The following SPATA6L variants were observed in gnomAD, a reference collection of about 807,000 sequenced individuals.
SPATA6L encodes spermatogenesis associated 6 like, also known as spermatogenesis associated 6-like protein.
A neutral mutation model predicts 49.2 loss-of-function variants in SPATA6L; 68 were observed. The ratio of observed to expected loss-of-function variants is 1.38; its 90% CI spans 1.14 to 1.69. SPATA6L has a LOEUF of 1.69. Ranked by LOEUF, SPATA6L falls within the 40% of genes most tolerant of loss-of-function variation. SPATA6L has a pLI of 0.00. For synonymous variants in SPATA6L, 198 were observed against 165.7 expected (o/e 1.19, Z -1.50); for missense variants, 668 against 464.3 (o/e 1.44, Z -4.03).
At chr9:4,622,548 A>G (rs752080635) in intron 6 of SPATA6L, 38 bp from the exon 7 acceptor site, 1 of 1,374,240 alleles carries the variant, frequency 7.3e-7, no homozygotes, top group African/African-American at 1.4e-5. Flanking sequence ...AGAATCCACT[A>G]TAGCTTCTAG....
chr9:4,611,661 G>T (rs1285656441), intron 9 of SPATA6L, among the ~76,000 whole-genome samples: 14 of 114,228 alleles, frequency 1.2e-4, no homozygotes, highest in South Asian at 3.8e-4. Flanking sequence ...GGTGGGGGGA[G>T]GGGGGAGGGA....
At chr9:4,628,077 G>C in intron 5 of SPATA6L, 2 of 321,560 alleles carry the variant, frequency 6.2e-6, no homozygotes, top group South Asian at 4.9e-5. Flanking sequence ...GAGACAGAGA[G>C]TAGAATGATG....
intron 4 of SPATA6L, among the ~76,000 whole-genome samples, chr9:4,631,979 T>C (rs1465763443): frequency 6.6e-6 from 1 of 151,274 alleles, no homozygotes; most frequent in African/African-American, 2.4e-5. Flanking sequence ...ATAATCCATG[T>C]AATGAGCTCA....
chr9:4,636,213 T>C (rs1255200171), intron 3 of SPATA6L, among the ~76,000 whole-genome samples: 1 of 152,178 alleles, frequency 6.6e-6, no homozygotes, highest in East Asian at 1.9e-4. Context: ...TAACCAGACC[T>C]GTTTGATATT....
rs1352020387 is a variant in SPATA6L at position 4,662,461 on chromosome 9, ATGGCGGCGG to A, written c.40-434_40-426del. The A allele has an allele frequency of 3.9e-6, 6 of 1,547,430 alleles. No homozygotes were observed. The highest frequency in any genetic ancestry group is 2.4e-5 in the East Asian group (1 of 41,726). On this transcript the variant is annotated intron_variant, in intron 1 of 11. Coordinates refer to ENST00000682582, the MANE Select transcript of SPATA6L (RefSeq NM_001353486.2). This position sits in a 1 kb window ranked among gnomAD's most constrained non-coding sequence, Gnocchi z 4.9. ...AGCAGCAGCCCCGGCAGCCCAGCCC[ATGGCGGCGG>A]TGGCGGCGGCAGCAGGTTTGAGTTC...
intron 4 of SPATA6L, chr9:4,632,950 A>G (rs1043737855): frequency 1.3e-5 from 2 of 152,260 alleles, no homozygotes; most frequent in Admixed American, 1.3e-4. Flanking sequence ...TTTTCATGAC[A>G]CTTTTATTGT....
At chr9:4,626,327 A>G in intron 5 of SPATA6L, 1 of 1,215,796 alleles carries the variant, frequency 8.2e-7, no homozygotes. Flanking sequence ...TTCAGATTTG[A>G]GTCTAGACCC....
rs1824117074 is a variant in SPATA6L at position 4,604,200 on chromosome 9, G to C, written c.1159C>G (p.His387Asp). Residue 387 changes from histidine (H) to aspartate (D), a missense_variant, in exon 11 of 12, where the codon CAT becomes GAT. His to Asp is a moderately conservative substitution (Grantham distance 81). Transcript: ENST00000682582. ...PSYPLKKYSL[H>D]EQRYF ...GTACCTTAAAAATATCTCTGTTCAT[G>C]CAGTGAGTATTTCTTCAGAGGGTAG... is the stretch of plus-strand genomic sequence containing the variant. 1 of 1,610,722 alleles carries C rather than the reference G, an allele frequency of 6.2e-7. No homozygotes were observed. The highest frequency in any genetic ancestry group is 8.5e-7 in the Non-Finnish European group (1 of 1,177,708).
chr9:4,617,457 T>A (rs996187861), intron 9 of SPATA6L: 2 of 152,490 alleles, frequency 1.3e-5, no homozygotes, highest in African/African-American at 4.8e-5. Flanking sequence ...CTCTCTGGCC[T>A]GCTCTCCAGA....
intron 4 of SPATA6L, among the ~76,000 whole-genome samples, chr9:4,632,068 C>T (rs1049996749): frequency 2.4e-5 from 3 of 126,684 alleles, no homozygotes; most frequent in African/African-American, 6.2e-5. Context: ...GAGATGCAGT[C>T]TCACTCTGTC....
chr9:4,657,021 T>C (rs1054958265), intron 2 of SPATA6L, among the ~76,000 whole-genome samples: 18 of 152,280 alleles, frequency 1.2e-4, no homozygotes, highest in South Asian at 4.1e-4. Flanking sequence ...AAGAAAAACA[T>C]TGTAATATCT....
chr9:4,663,973 T>C (rs1466965590), intron 1 of SPATA6L: 1 of 167,118 alleles, frequency 6.0e-6, no homozygotes, highest in Non-Finnish European at 1.5e-5. Context: ...CACTACTCCC[T>C]TACTGTCTTT....
intron 11 of SPATA6L, 75 bp downstream of exon 11, chr9:4,604,104 G>A (rs1353552414): frequency 1.4e-5 from 13 of 958,694 alleles, no homozygotes; most frequent in South Asian, 3.2e-5. Flanking sequence ...CATATTGATA[G>A]GAGGAAACTG....
chr9:4,642,195 A>T (rs1662946946), intron 3 of SPATA6L, among the ~76,000 whole-genome samples: 2 of 152,222 alleles, frequency 1.3e-5, no homozygotes, highest in Admixed American at 1.3e-4. Context: ...ACTTTTTTAA[A>T]ATCCATGTAA....
chr9:4,658,049 G>C lies in SPATA6L; in HGVS notation c.178-1960C>G, dbSNP rs1480678406. Among the ~76,000 whole-genome samples, 4 of 152,134 alleles carry C rather than the reference G, an allele frequency of 2.6e-5. No homozygotes were observed. The East Asian group carries it at 7.7e-4, about 29-fold the overall frequency. On this transcript the variant is annotated intron_variant, in intron 2 of 11. Coordinates refer to ENST00000682582, the MANE Select transcript of SPATA6L (RefSeq NM_001353486.2). ...CAAGGAACTATACCAGAAACTAGGA[G>C]AGAGGCCTGGAATAGGTCCTTCCCT...
Position 4,641,067 on chromosome 9 carries a change from T to G in SPATA6L, c.227-5668A>C, listed in dbSNP as rs551089477. ...TATAGTCAACATATATATAGGTGTG[T>G]GTGTATATATGTTGAAAATACATAT... On this transcript the variant is annotated intron_variant, in intron 3 of 11. Transcript: ENST00000682582. Among the ~76,000 whole-genome samples, 584 of 152,324 alleles carry G rather than the reference T, an allele frequency of 3.8e-3. 6 individuals carry two copies. Among genetic ancestry groups the G allele is most frequent in the South Asian group, 0.029 (139 of 4,830 alleles).
At chr9:4,589,603 GTCCTT>G (rs1821774980) in intron 13 of SPATA6L, among the ~76,000 whole-genome samples, 1 of 152,218 alleles carries the variant, frequency 6.6e-6, no homozygotes, top group Non-Finnish European at 1.5e-5. Context: ...AGTGTTCGCA[GTCCTT>G]TCCTATGCCC....
intron 5 of SPATA6L, 70 bp from the exon 6 acceptor site, chr9:4,625,636 A>C: frequency 6.3e-6 from 7 of 1,115,922 alleles, no homozygotes; most frequent in South Asian, 2.2e-5. Context: ...TCAGAATATA[A>C]CTGTATTTAA....
chr9:4,622,111 C>T (rs999643600), intron 7 of SPATA6L, among the ~76,000 whole-genome samples: 2 of 152,184 alleles, frequency 1.3e-5, no homozygotes, highest in Admixed American at 6.5e-5. Context: ...GGGTTCACAG[C>T]AGGACAAGTT....
Sources: allele counts gnomAD v4.1 joint callset (sites outside exome capture counted in the v4.1 genomes callset), GRCh38; gene constraint gnomAD v4.1.1; non-coding constraint Gnocchi (gnomAD v3.1); transcripts MANE v1.5; gene names NCBI Gene and HGNC (gene_info 2026-07-23, HGNC 2026-07-21).